The following RBFOX1 variants were observed in gnomAD, a reference collection of about 807,000 sequenced individuals.
RBFOX1 encodes the protein RNA binding fox-1 homolog 1, also known as RNA binding protein fox-1 homolog 1.
RBFOX1 carries 8 observed loss-of-function variants against 57.7 expected under a neutral mutation model. That is an observed-to-expected ratio of 0.14 (90% CI 0.08 to 0.25). The LOEUF (loss-of-function observed/expected upper bound fraction) is 0.25. RBFOX1 is among the 10% of genes least tolerant of loss of function. The probability of loss-of-function intolerance (pLI) is 1.00; values close to 1 mark genes in which losing one functional copy is unlikely to be tolerated. For synonymous variants in RBFOX1, 326 were observed against 222.4 expected (o/e 1.47, Z -4.15); for missense variants, 611 against 548.5 (o/e 1.11, Z -1.14).
intron 3 of RBFOX1, among the ~76,000 whole-genome samples, chr16:7,038,181 AG>A (rs35729712): frequency 0.071 from 10,839 of 152,140 alleles, 679 homozygotes; most frequent in East Asian, 0.32. Context: ...TCCTGGCTAT[AG>A]GGTAACGATG....
chr16:5,939,331 G>A (rs2059235112), intron 4 of RBFOX1, among the ~76,000 whole-genome samples: 2 of 152,256 alleles, frequency 1.3e-5, no homozygotes, highest in African/African-American at 4.8e-5. Context: ...GACAGTTTCT[G>A]AGGTTCAGGA....
chr16:6,074,270 C>T (rs191656043), intron 1 of RBFOX1, among the ~76,000 whole-genome samples: 1 of 152,096 alleles, frequency 6.6e-6, no homozygotes, highest in Non-Finnish European at 1.5e-5. Context: ...TCTCTCTCCC[C>T]CTCTCTGTTT....
chr16:5,494,268 G>A (rs995492216), intron 2 of RBFOX1, among the ~76,000 whole-genome samples: 2 of 152,246 alleles, frequency 1.3e-5, no homozygotes, highest in African/African-American at 2.4e-5. Context: ...CTAGACATTC[G>A]GATTCCAGTC....
At chr16:7,401,863 G>C (rs1434938018) in intron 4 of RBFOX1, among the ~76,000 whole-genome samples, 3 of 152,130 alleles carry the variant, frequency 2.0e-5, no homozygotes, top group Non-Finnish European at 4.4e-5. Flanking sequence ...AAGGAAACTT[G>C]ATTGTCCTTT....
intron 4 of RBFOX1, among the ~76,000 whole-genome samples, chr16:5,885,413 A>T (rs1006483797): frequency 6.6e-6 from 1 of 152,136 alleles, no homozygotes; most frequent in Admixed American, 6.5e-5. Flanking sequence ...GCTGCTAGTA[A>T]AATAGCAACT....
At chr16:6,483,254 G>C in intron 2 of RBFOX1, 1 of 1,283,272 alleles carries the variant, frequency 7.8e-7, no homozygotes, top group Non-Finnish European at 9.8e-7. Flanking sequence ...GCCTCCCTTT[G>C]TGCGCGCCCG....
At chr16:7,615,647 A>G (rs929986081) in intron 10 of RBFOX1, among the ~76,000 whole-genome samples, 5 of 151,972 alleles carry the variant, frequency 3.3e-5, no homozygotes, top group African/African-American at 1.2e-4. Flanking sequence ...GATTCTTAAT[A>G]TGGAGTGACC....
chr16:6,475,162 C>A (rs954907050), intron 2 of RBFOX1, among the ~76,000 whole-genome samples: 1 of 152,106 alleles, frequency 6.6e-6, no homozygotes, highest in Non-Finnish European at 1.5e-5. Context: ...ATAATGTTAG[C>A]TTTTCTGGTG....
rs561516511 is a variant in RBFOX1, at chr16:5,389,814, C to T, written c.220-77402C>T. On this transcript the variant is annotated intron_variant, in intron 1 of 2. Coordinates refer to the RBFOX1 transcript ENST00000585867. Reference sequence around the variant, plus strand: ...CCAGGCTCAAGCGATTCTTCTGCCTCAGCTTCCTGAGTAGCTGGGATTACA... The same window carrying T: ...CCAGGCTCAAGCGATTCTTCTGCCTTAGCTTCCTGAGTAGCTGGGATTACA... 1.5e-4 allele frequency among the ~76,000 whole-genome samples: 23 copies of T among 152,152 alleles called. 1 individual carries two copies. In the South Asian group the frequency reaches 4.4e-3, roughly 29 times the overall value.
intron 2 of RBFOX1, among the ~76,000 whole-genome samples, chr16:6,439,047 C>T (rs913035842): frequency 6.6e-6 from 1 of 152,084 alleles, no homozygotes; most frequent in African/African-American, 2.4e-5. Flanking sequence ...TGGAAACTGA[C>T]CCCAGTTGAA....
intron 1 of RBFOX1, among the ~76,000 whole-genome samples, chr16:6,129,569 G>C (rs2096614585): frequency 6.6e-6 from 1 of 152,052 alleles, no homozygotes; most frequent in African/African-American, 2.4e-5. Flanking sequence ...TGAAAGCATA[G>C]AGGTAGGGAG....
At chr16:5,986,059 C>CTTT (rs56316210) in intron 4 of RBFOX1, among the ~76,000 whole-genome samples, 4 of 136,200 alleles carry the variant, frequency 2.9e-5, no homozygotes, top group Non-Finnish European at 4.8e-5. Flanking sequence ...TTTTTCTTTA[C>CTTT]TTTTTTTTTT....
chr16:7,346,629 C>T (rs942869395), intron 4 of RBFOX1, among the ~76,000 whole-genome samples: 9 of 151,758 alleles, frequency 5.9e-5, no homozygotes, highest in Non-Finnish European at 8.8e-5. Context: ...CCCATGTGGC[C>T]CACGGGCATT....
At chr16:5,930,940 A>AGGGGGGGGGGGGGGGGGGGG (rs2059042092) in intron 4 of RBFOX1, among the ~76,000 whole-genome samples, 1 of 6,182 alleles carries the variant, frequency 1.6e-4, no homozygotes, top group Admixed American at 2.3e-3. Context: ...GAGGATGGGT[A>AGGGGGGGGGGGGGGGGGGGG]GGTGGGTGGG....
chr16:6,032,380 T>A (rs149646973), intron 1 of RBFOX1, among the ~76,000 whole-genome samples: 1 of 151,888 alleles, frequency 6.6e-6, no homozygotes, highest in Non-Finnish European at 1.5e-5. Flanking sequence ...TTCTACTTAT[T>A]AAAAAAATAT....
chr16:7,628,727 C>G (rs1476628162), intron 10 of RBFOX1, among the ~76,000 whole-genome samples: 2 of 152,222 alleles, frequency 1.3e-5, no homozygotes, highest in Admixed American at 6.5e-5. Context: ...ATTCTCCTGC[C>G]TCAGTCTCCT....
In RBFOX1 at chr16:7,386,735, A is replaced by T. The variant is rs2097889343; in HGVS notation, c.28-131412A>T. On this transcript the variant is annotated intron_variant, in intron 4 of 15. Transcript: ENST00000550418. ...TAGCATGATTTATAATCCTTTGGGT[A>T]TATATCCAGTAATGGGATTGCTGGG... Among the ~76,000 whole-genome samples, 5 of 152,274 alleles carry T rather than the reference A, an allele frequency of 3.3e-5. No individual in the cohort carries two copies. The South Asian group carries it at 1.0e-3, about 32-fold the overall frequency.
intron 1 of RBFOX1, among the ~76,000 whole-genome samples, chr16:5,402,581 A>C (rs1361345676): frequency 1.3e-5 from 2 of 152,220 alleles, no homozygotes; most frequent in Admixed American, 1.3e-4. Context: ...AAAACTTTTC[A>C]GTTGATTCCC....
At chr16:6,364,737 AC>A (rs538335247) in intron 2 of RBFOX1, among the ~76,000 whole-genome samples, 155 of 152,266 alleles carry the variant, frequency 1.0e-3, no homozygotes, top group African/African-American at 3.6e-3. Context: ...ACACATTTAA[AC>A]CCCACAAATA....
Sources: gnomAD v4.1 joint callset for allele counts (sites outside exome capture counted in the v4.1 genomes callset) on GRCh38, gnomAD v4.1.1 for gene constraint, MANE v1.5 for transcripts, NCBI Gene and HGNC (gene_info 2026-07-23, HGNC 2026-07-21) for gene names.